Variants in MYO3B observed in about 807,000 individuals in gnomAD.
MYO3B encodes the protein myosin IIIB, also known as myosin-IIIb.
Under a neutral mutation model 174.6 loss-of-function variants are expected in MYO3B, and 156 were observed. The observed-to-expected ratio is 0.89, with a 90% CI of 0.78 to 1.02. The LOEUF (loss-of-function observed/expected upper bound fraction) is 1.02. Among genes scored for constraint, MYO3B ranks in the 50% least tolerant of loss-of-function variants. MYO3B has a pLI of 0.00. For synonymous variants in MYO3B, 563 were observed against 569.1 expected (o/e 0.99, Z 0.15); for missense variants, 1,632 against 1,639.4 (o/e 1.00, Z 0.08).
chr2:170,572,039 C>T (rs1692469703), intron 32 of MYO3B, among the ~76,000 whole-genome samples: 1 of 152,126 alleles, frequency 6.6e-6, no homozygotes, highest in Non-Finnish European at 1.5e-5. Context: ...CAACCAGGAG[C>T]AGTGGCTCAC....
rs112031746 is a variant in MYO3B at position 170,636,595 on chromosome 2, G to A, written c.3734-15033G>A. 5.2e-4 allele frequency among the ~76,000 whole-genome samples: 79 copies of A among 151,966 alleles called. 1 individual carries two copies. Among genetic ancestry groups the A allele is most frequent in the African/African-American group, 1.8e-3 (75 of 41,462 alleles). On this transcript the variant is annotated intron_variant, in intron 32 of 34. Coordinates refer to ENST00000408978, the MANE Select transcript of MYO3B (RefSeq NM_138995.5). ...GGTCCCCATCTCATGCAGGATGAGC[G>A]GCCACGAGAGCTGGAAGTGGGAAGG...
intron 8 of MYO3B, among the ~76,000 whole-genome samples, chr2:170,361,121 A>T (rs1264489802): frequency 6.6e-6 from 1 of 152,130 alleles, no homozygotes; most frequent in Non-Finnish European, 1.5e-5. Context: ...GACATTTATC[A>T]ATTGTTCGCT....
intron 6 of MYO3B, 127 bp from the exon 7 acceptor site, chr2:170,235,864 A>T: frequency 9.2e-7 from 1 of 1,081,806 alleles, no homozygotes; most frequent in Non-Finnish European, 1.4e-6. Flanking sequence ...CACACATCTT[A>T]TTACTGGAAT....
chr2:170,393,333 C>G (rs1383831605), intron 16 of MYO3B, among the ~76,000 whole-genome samples: 1 of 152,020 alleles, frequency 6.6e-6, no homozygotes, highest in South Asian at 2.1e-4. Flanking sequence ...ATCCACCTGC[C>G]TCAGCCTCCC....
chr2:170,384,816 C>A (rs1306319454), intron 12 of MYO3B, among the ~76,000 whole-genome samples: 1 of 152,158 alleles, frequency 6.6e-6, no homozygotes, highest in African/African-American at 2.4e-5. Flanking sequence ...GGGTGCCCAA[C>A]AATTCAGTTC....
chr2:170,400,149 G>T, intron 16 of MYO3B, 39 bp from the exon 17 acceptor site: 1 of 1,613,150 alleles, frequency 6.2e-7, no homozygotes, highest in South Asian at 1.1e-5. Context: ...AGTTTGACTG[G>T]CAATGACCTT....
chr2:170,185,487 T>A (rs550221016), intron 1 of MYO3B, among the ~76,000 whole-genome samples: 1 of 152,324 alleles, frequency 6.6e-6, no homozygotes, highest in African/African-American at 2.4e-5. Context: ...TTCTCTATTC[T>A]GTCCTATTGG....
chr2:170,607,701 A>T (rs543502133), intron 32 of MYO3B, among the ~76,000 whole-genome samples: 2 of 152,358 alleles, frequency 1.3e-5, no homozygotes, highest in African/African-American at 4.8e-5. Flanking sequence ...CATTTTAGTT[A>T]TTAATATATA....
intron 10 of MYO3B, chr2:170,382,340 A>C: frequency 2.6e-6 from 1 of 380,942 alleles, no homozygotes; most frequent in East Asian, 3.6e-5. Context: ...GGATTTTTGC[A>C]ATAAAGCTCT....
intron 25 of MYO3B, among the ~76,000 whole-genome samples, chr2:170,468,476 T>G (rs1378989845): frequency 6.6e-6 from 1 of 152,210 alleles, no homozygotes; most frequent in Non-Finnish European, 1.5e-5. Context: ...GGGGAAAGAC[T>G]TCCCCAGTTC....
intron 30 of MYO3B, among the ~76,000 whole-genome samples, chr2:170,524,295 A>G (rs1313053188): frequency 2.0e-5 from 3 of 152,152 alleles, no homozygotes; most frequent in East Asian, 3.9e-4. Flanking sequence ...CTCAGAGACC[A>G]GTGCTGGATT....
chr2:170,517,375 A>T (rs768978131), intron 29 of MYO3B, among the ~76,000 whole-genome samples: 1 of 152,154 alleles, frequency 6.6e-6, no homozygotes, highest in Non-Finnish European at 1.5e-5. Context: ...CCAGGTAAAG[A>T]TATTGCTTCC....
At chr2:170,392,339 A>G (rs781717433) in intron 15 of MYO3B, 42 bp from the exon 16 acceptor site, 2 of 1,411,054 alleles carry the variant, frequency 1.4e-6, no homozygotes, top group Admixed American at 1.9e-5. Flanking sequence ...CTACTTTCCA[A>G]GTCAGTGCTC....
At chr2:170,567,086 A>G (rs1047856083) in intron 32 of MYO3B, among the ~76,000 whole-genome samples, 2 of 152,224 alleles carry the variant, frequency 1.3e-5, no homozygotes, top group Non-Finnish European at 2.9e-5. Context: ...CTGTGGAAAC[A>G]ACAATTTGAG....
chr2:170,405,961 AT>A (rs2094506893), intron 21 of MYO3B, among the ~76,000 whole-genome samples: 1 of 152,182 alleles, frequency 6.6e-6, no homozygotes, highest in African/African-American at 2.4e-5. Flanking sequence ...TTCTAAAGTC[AT>A]TTGGAGACAT....
chr2:170,610,390 G>A (rs1233144278), intron 32 of MYO3B, among the ~76,000 whole-genome samples: 1 of 152,034 alleles, frequency 6.6e-6, no homozygotes, highest in African/African-American at 2.4e-5. Flanking sequence ...TTCAATTGCT[G>A]AATGAGCTGA....
chr2:170,502,604 TGCG>T (rs1687347831), intron 28 of MYO3B, among the ~76,000 whole-genome samples: 1 of 2,948 alleles, frequency 3.4e-4, no homozygotes, highest in African/African-American at 3.6e-4. Context: ...CCACTGTGGG[TGCG>T]GGTGCCAGGC....
At position 170,375,535 on chromosome 2, in the gene MYO3B, A is replaced by C. The variant is rs372277071; in HGVS notation, c.971+6158A>C. 5.3e-5 allele frequency among the ~76,000 whole-genome samples: 8 copies of C among 151,342 alleles called. No individual in the cohort carries two copies. The South Asian group carries it at 1.7e-3, about 32-fold the overall frequency. On this transcript the variant is annotated intron_variant, in intron 9 of 34. Transcript: ENST00000408978. ...GGTTTTTTTTTTTTCTGCTCTGTTT[A>C]ATGGGTTGTCATGTCGCCCTTGCAA...
chr2:170,238,990 C>T (rs976109876), intron 7 of MYO3B, among the ~76,000 whole-genome samples: 1 of 152,230 alleles, frequency 6.6e-6, no homozygotes, highest in African/African-American at 2.4e-5. Flanking sequence ...ACAGAAATTA[C>T]CTGCTGATTG....
Sources: allele counts gnomAD v4.1 joint callset (sites outside exome capture counted in the v4.1 genomes callset), GRCh38; gene constraint gnomAD v4.1.1; transcripts MANE v1.5; gene names NCBI Gene and HGNC (gene_info 2026-07-23, HGNC 2026-07-21).